Variants in CNPY1 observed in about 807,000 individuals in gnomAD.
CNPY1 encodes protein canopy homolog 1.
Under a neutral mutation model 14.4 loss-of-function variants are expected in CNPY1, and 14 were observed. The observed-to-expected ratio is 0.97, with a 90% CI of 0.64 to 1.52. The LOEUF is 1.52. Ranked by LOEUF, CNPY1 falls within the 40% of genes most tolerant of loss-of-function variation. The pLI is 0.00. For missense variants in CNPY1, 129 were observed against 131.5 expected (o/e 0.98, Z 0.09); for synonymous variants, 43 against 46.5 (o/e 0.92, Z 0.31).
intron 2 of CNPY1, among the ~76,000 whole-genome samples, chr7:155,524,936 A>T (rs746191091): frequency 6.6e-6 from 1 of 152,106 alleles, no homozygotes; most frequent in Non-Finnish European, 1.5e-5. Flanking sequence ...CAGGTCTATT[A>T]GGTGGTGGCT....
At chr7:155,533,310 C>G (rs1261260918) in intron 2 of CNPY1, among the ~76,000 whole-genome samples, 1 of 152,156 alleles carries the variant, frequency 6.6e-6, no homozygotes, top group East Asian at 1.9e-4. Flanking sequence ...TGAGTCTGCT[C>G]GGATGTGCCG....
chr7:155,503,590 A>AG (rs1796195001), intron 4 of CNPY1, among the ~76,000 whole-genome samples: 1 of 152,244 alleles, frequency 6.6e-6, no homozygotes, highest in African/African-American at 2.4e-5. Flanking sequence ...AAAATATGCT[A>AG]GCCTTTGAAA....
intron 2 of CNPY1, among the ~76,000 whole-genome samples, chr7:155,509,401 CTG>C (rs1183266724): frequency 6.6e-5 from 10 of 152,136 alleles, no homozygotes; most frequent in Non-Finnish European, 1.5e-4. Context: ...TTAGAAATCA[CTG>C]AGCATGTAGC....
At chr7:155,507,557 T>C (rs1193098071) in intron 3 of CNPY1, among the ~76,000 whole-genome samples, 1 of 139,200 alleles carries the variant, frequency 7.2e-6, no homozygotes, top group Non-Finnish European at 1.5e-5. Flanking sequence ...AACATAATAA[T>C]CCATTTTGTG....
chr7:155,524,429 T>C (rs1796782594), intron 2 of CNPY1, among the ~76,000 whole-genome samples: 1 of 152,196 alleles, frequency 6.6e-6, no homozygotes, highest in South Asian at 2.1e-4. Flanking sequence ...GAGCAAAGCT[T>C]CATCTGTATT....
chr7:155,502,997 CA>C lies in CNPY1; in HGVS notation c.*70del. On this transcript the variant is annotated 3_prime_UTR_variant, in exon 5 of 5. Coordinates refer to ENST00000636446, the MANE Select transcript of CNPY1 (RefSeq NM_001393663.1). ...TTTTCTTATCATGAAAGACAACATG[CA>C]AACATAAAATGCAGACATTGACCTT... 7.3e-7 allele frequency: 1 copy of C among 1,376,300 alleles called. No homozygotes were observed. The highest frequency in any genetic ancestry group is 2.3e-5 in the East Asian group (1 of 43,538). 85.3% of individuals were successfully genotyped at this position (1,376,300 alleles called of 1,614,324 possible). A position where few individuals can be genotyped will look rare whatever the true frequency, so the allele number is the denominator to read the frequency against.
chr7:155,509,129 C>T (rs1364691688), intron 2 of CNPY1, 32 bp from the exon 3 acceptor site: 3 of 1,367,634 alleles, frequency 2.2e-6, no homozygotes, highest in African/African-American at 1.5e-5. Context: ...GGAAACTTGT[C>T]TTAATGTTAA....
Position 155,508,987 on chromosome 7 carries a change from GA to G in CNPY1, c.209del (p.Phe70SerfsTer29), listed in dbSNP as rs1343267573. 2.5e-6 allele frequency: 4 copies of G among 1,613,686 alleles called. No individual in the cohort carries two copies. Among genetic ancestry groups the G allele is most frequent in the Non-Finnish European group, 3.4e-6 (4 of 1,179,786 alleles). On this transcript the variant is annotated frameshift_variant, in exon 3 of 5. Transcript: ENST00000636446. LOFTEE classifies it high-confidence loss of function. ...CTCCTTTCCTAGGAGCGAATCTCTTGAAAGTTCTCTCCTTCGTCACAGGGTC... is the reference window on the plus strand; with the variant it reads ...CTCCTTTCCTAGGAGCGAATCTCTTGAAGTTCTCTCCTTCGTCACAGGGTC... ...EEDPVTKERT[F>X]KRFAPRKGDK...
At chr7:155,522,283 G>C (rs1208502827) in intron 2 of CNPY1, among the ~76,000 whole-genome samples, 2 of 152,272 alleles carry the variant, frequency 1.3e-5, no homozygotes, top group Non-Finnish European at 2.9e-5. Context: ...AAGAAACCGA[G>C]GCCCTGAGAC....
intron 2 of CNPY1, among the ~76,000 whole-genome samples, chr7:155,515,553 G>A (rs1255857361): frequency 6.6e-6 from 1 of 152,166 alleles, no homozygotes; most frequent in Admixed American, 6.5e-5. Flanking sequence ...ATGACCCCCT[G>A]ATGTCCAGTC....
At chr7:155,516,141 G>T (rs1459586441) in intron 2 of CNPY1, among the ~76,000 whole-genome samples, 1 of 152,144 alleles carries the variant, frequency 6.6e-6, no homozygotes. Flanking sequence ...GAAGGGAATG[G>T]TCCACTGACC....
chr7:155,503,503 T>C (rs994678262), intron 4 of CNPY1, among the ~76,000 whole-genome samples: 2 of 152,218 alleles, frequency 1.3e-5, no homozygotes, highest in Admixed American at 1.3e-4. Flanking sequence ...TTGATAATGC[T>C]ACTTTTCCAG....
intron 2 of CNPY1, among the ~76,000 whole-genome samples, chr7:155,513,639 A>C (rs970732533): frequency 2.0e-5 from 3 of 152,150 alleles, no homozygotes; most frequent in African/African-American, 4.8e-5. Context: ...TAAAATAAGA[A>C]CAATGTGATT....
At chr7:155,516,082 C>G (rs1381863340) in intron 2 of CNPY1, among the ~76,000 whole-genome samples, 1 of 152,094 alleles carries the variant, frequency 6.6e-6, no homozygotes, top group Non-Finnish European at 1.5e-5. Context: ...TTGTCTTTGT[C>G]CCTTGATAGA....
chr7:155,509,390 T>C (rs1194547424), intron 2 of CNPY1, among the ~76,000 whole-genome samples: 1 of 152,152 alleles, frequency 6.6e-6, no homozygotes, highest in Admixed American at 6.5e-5. Context: ...TAGAATCATG[T>C]TTAGAAATCA....
intron 2 of CNPY1, among the ~76,000 whole-genome samples, chr7:155,520,428 C>CTTTTTTTTTTTTTTTTTTTTTTTTTT (rs71522007): frequency 1.4e-5 from 1 of 69,410 alleles, no homozygotes; most frequent in Non-Finnish European, 2.4e-5. Flanking sequence ...TTCTTTCTTT[C>CTTTTTTTTTTTTTTTTTTTTTTTTTT]TTTTTTTTTT....
rs1352456560 is a variant in CNPY1, at chr7:155,501,148, T to C, written c.*1920A>G. The C allele has an allele frequency of 6.6e-6, 1 of 152,184 alleles. No homozygotes were observed. The highest frequency in any genetic ancestry group is 2.4e-5 in the African/African-American group (1 of 41,444). The allele number at this position is 152,184 out of a possible 1,614,324, so 9.4% of individuals were successfully genotyped here. On this transcript the variant is annotated 3_prime_UTR_variant, in exon 5 of 5. Coordinates refer to ENST00000636446, the MANE Select transcript of CNPY1 (RefSeq NM_001393663.1). The stretch of plus-strand genomic sequence containing the variant: ...TAAAAATTTGCAAGATACAAGACTA[T>C]TTTTAATGGGAAATCCAAGAAAAAA...
chr7:155,546,337 C>A, intron 1 of CNPY1, 92 bp downstream of exon 1: 1 of 390,590 alleles, frequency 2.6e-6, no homozygotes, highest in Non-Finnish European at 4.5e-6. Context: ...AGGCATACGT[C>A]GCCACACCCG....
At chr7:155,541,382 T>C (rs1797082336) in intron 2 of CNPY1, among the ~76,000 whole-genome samples, 1 of 152,240 alleles carries the variant, frequency 6.6e-6, no homozygotes, top group South Asian at 2.1e-4. Context: ...CTGAGGTCCC[T>C]GTACATCGTG....
Sources: allele counts gnomAD v4.1 joint callset (sites outside exome capture counted in the v4.1 genomes callset), GRCh38; gene constraint gnomAD v4.1.1; transcripts MANE v1.5; gene names NCBI Gene and HGNC (gene_info 2026-07-23, HGNC 2026-07-21).